KIAA1217: variants seen among roughly 807,000 people sequenced by gnomAD.
The protein encoded by KIAA1217 is KIAA1217.
Under a neutral mutation model 163.9 loss-of-function variants are expected in KIAA1217, and 88 were observed. The observed-to-expected ratio is 0.54, with a 90% confidence interval of 0.45 to 0.64. KIAA1217 has a LOEUF of 0.64. Ranked by LOEUF, KIAA1217 falls within the 30% of genes least tolerant of loss-of-function variation. The pLI, the probability that KIAA1217 is intolerant of heterozygous loss-of-function variation, is 0.00. For synonymous variants in KIAA1217, 903 were observed against 923.1 expected (o/e 0.98, Z 0.39); for missense variants, 2,372 against 2,475.0 (o/e 0.96, Z 0.88).
At chr10:24,388,671 G>T (rs1456074573) in intron 3 of KIAA1217, among the ~76,000 whole-genome samples, 1 of 152,044 alleles carries the variant, frequency 6.6e-6, no homozygotes, top group South Asian at 2.1e-4. Context: ...CTGACAAAGG[G>T]CTAATATCCA....
intron 2 of KIAA1217, among the ~76,000 whole-genome samples, chr10:24,160,681 A>C (rs530245927): frequency 6.6e-6 from 1 of 152,342 alleles, no homozygotes; most frequent in Admixed American, 6.5e-5. Flanking sequence ...TCCTATAATG[A>C]GGCTGAAAAT....
intron 1 of KIAA1217, among the ~76,000 whole-genome samples, chr10:23,781,667 T>A (rs1432710770): frequency 6.6e-6 from 1 of 152,212 alleles, no homozygotes; most frequent in Non-Finnish European, 1.5e-5. Flanking sequence ...AAGGAGCTTT[T>A]CCCCTGTGTT....
chr10:24,513,115 T>C lies in KIAA1217; in HGVS notation c.2002-144T>C, dbSNP rs1055249237. 64 of 765,830 alleles carry C rather than the reference T, an allele frequency of 8.4e-5. No individual in the cohort carries two copies. In the South Asian group the frequency reaches 9.4e-4, roughly 11 times the overall value. The allele number at this position is 765,830 out of a possible 1,614,324, so 47.4% of individuals were successfully genotyped here. On this transcript the variant is annotated intron_variant, in intron 9 of 20. Coordinates refer to ENST00000376454, the MANE Select transcript of KIAA1217 (RefSeq NM_019590.5). ...AAGAAGCCACATTATGTACAGTCTT[T>C]GCTCCCTTTCCTTTCTCATTGAAAT...
At position 24,363,109 on chromosome 10, in the gene KIAA1217, A is replaced by G. The variant is rs80079556; in HGVS notation, c.355-17760A>G. Among the ~76,000 whole-genome samples, 1,611 of 152,222 alleles carry G rather than the reference A, an allele frequency of 0.011. 92 individuals are homozygous for G. In the East Asian group the frequency reaches 0.16, roughly 15 times the overall value. ...TACTTTTCTTTGTGCCTTGTTATAG[A>G]ATTATATTTATTATAGAAAACCCTG... On this transcript the variant is annotated intron_variant, in intron 2 of 20. Coordinates refer to ENST00000376454, the MANE Select transcript of KIAA1217 (RefSeq NM_019590.5).
intron 2 of KIAA1217, among the ~76,000 whole-genome samples, chr10:24,278,487 G>A (rs1007233496): frequency 6.6e-6 from 1 of 152,222 alleles, no homozygotes; most frequent in African/African-American, 2.4e-5. Flanking sequence ...GTGGATAAGG[G>A]ATAATCTATC....
At chr10:24,330,839 C>A (rs2045577270) in intron 2 of KIAA1217, among the ~76,000 whole-genome samples, 1 of 152,110 alleles carries the variant, frequency 6.6e-6, no homozygotes, top group South Asian at 2.1e-4. Flanking sequence ...TTCTTGAACT[C>A]TTGGGCTCAA....
chr10:23,965,898 C>A (rs1356041914), intron 1 of KIAA1217, among the ~76,000 whole-genome samples: 1 of 152,316 alleles, frequency 6.6e-6, no homozygotes, highest in South Asian at 2.1e-4. Context: ...TAACTTTCAG[C>A]AAGAGTGGGT....
At chr10:23,794,878 C>A (rs1394816627) in intron 1 of KIAA1217, among the ~76,000 whole-genome samples, 2 of 152,244 alleles carry the variant, frequency 1.3e-5, no homozygotes, top group Non-Finnish European at 2.9e-5. Flanking sequence ...GATTTTACCA[C>A]TTGCAACAGA....
At chr10:24,209,715 A>G (rs1424118342) in intron 1 of KIAA1217, among the ~76,000 whole-genome samples, 1 of 152,186 alleles carries the variant, frequency 6.6e-6, no homozygotes, top group Non-Finnish European at 1.5e-5. Flanking sequence ...GCAGAATTTT[A>G]GAGTTAAATC....
At chr10:24,332,019 T>G (rs1244623241) in intron 2 of KIAA1217, among the ~76,000 whole-genome samples, 1 of 152,320 alleles carries the variant, frequency 6.6e-6, no homozygotes, top group African/African-American at 2.4e-5. Flanking sequence ...CAGGCTGGTC[T>G]TGCACTCCTA....
chr10:24,247,526 G>T (rs1054244270), intron 2 of KIAA1217, among the ~76,000 whole-genome samples: 1 of 152,220 alleles, frequency 6.6e-6, no homozygotes, highest in African/African-American at 2.4e-5. Context: ...GCTGGGCGTG[G>T]TGGCTCACGC....
Position 24,543,862 on chromosome 10 carries a change from G to C in KIAA1217, c.4592G>C (p.Arg1531Thr). 6.2e-7 allele frequency: 1 copy of C among 1,614,098 alleles called. No homozygotes were observed. Among genetic ancestry groups the C allele is most frequent in the Non-Finnish European group, 8.5e-7 (1 of 1,180,038 alleles). The change falls in exon 19 of 21, where the codon AGA becomes ACA. Residue 1531 changes from arginine (R) to threonine (T), a missense_variant. By Grantham distance (71) the Arg-to-Thr change is moderately conservative (BLOSUM62 -1). Coordinates refer to ENST00000376454, the MANE Select transcript of KIAA1217 (RefSeq NM_019590.5). ...CCACACTCCCTGGCCACAGAGACCA[G>C]AAACCCAGGAGGACAGGAAATGAAC... Reference protein sequence around the residue: ...SQPHSLATETRNPGGQEMNRT... With the variant: ...SQPHSLATETTNPGGQEMNRT...
intron 2 of KIAA1217, among the ~76,000 whole-genome samples, chr10:24,316,324 C>T (rs2043365449): frequency 6.6e-6 from 1 of 152,050 alleles, no homozygotes; most frequent in Non-Finnish European, 1.5e-5. Context: ...CTGTCCTGTC[C>T]CAGTTTGCAG....
chr10:24,406,077 C>G (rs2057177683), intron 3 of KIAA1217, among the ~76,000 whole-genome samples: 1 of 152,192 alleles, frequency 6.6e-6, no homozygotes, highest in Non-Finnish European at 1.5e-5. Context: ...TTCACATCTT[C>G]CCTTTCCTTT....
intron 2 of KIAA1217, among the ~76,000 whole-genome samples, chr10:24,346,830 C>A (rs994130867): frequency 1.3e-5 from 2 of 152,036 alleles, no homozygotes; most frequent in Non-Finnish European, 2.9e-5. Flanking sequence ...CTTGGCCTCC[C>A]AAAGTGCTGG....
intron 1 of KIAA1217, among the ~76,000 whole-genome samples, chr10:23,765,187 CTTTTTTTT>C (rs67342339): frequency 1.3e-5 from 1 of 75,358 alleles, no homozygotes; most frequent in Non-Finnish European, 2.3e-5. Context: ...TTTTTGTTCT[CTTTTTTTT>C]TTTTTTTTTT....
intron 2 of KIAA1217, among the ~76,000 whole-genome samples, chr10:24,018,228 C>A (rs778864000): frequency 3.3e-5 from 5 of 151,970 alleles, no homozygotes; most frequent in Non-Finnish European, 5.9e-5. Context: ...CAAGAGAAAC[C>A]ACAAAGTGGA....
chr10:24,525,025 AG>A (rs2071892631), intron 13 of KIAA1217, among the ~76,000 whole-genome samples: 1 of 150,722 alleles, frequency 6.6e-6, no homozygotes. Flanking sequence ...AAGGTGAGAC[AG>A]CAGTGTGCTG....
At chr10:24,523,544 GT>G (rs1173688244) in intron 12 of KIAA1217, among the ~76,000 whole-genome samples, 4 of 152,114 alleles carry the variant, frequency 2.6e-5, no homozygotes, top group Non-Finnish European at 5.9e-5. Context: ...AAAATTAGAG[GT>G]CAAGTACCAT....
Sources: gnomAD v4.1 joint callset for allele counts (sites outside exome capture counted in the v4.1 genomes callset) on GRCh38, gnomAD v4.1.1 for gene constraint, MANE v1.5 for transcripts, NCBI Gene and HGNC (gene_info 2026-07-23, HGNC 2026-07-21) for gene names.